Variants in ARHGEF1 observed in about 807,000 individuals in gnomAD.
ARHGEF1 encodes Rho guanine nucleotide exchange factor 1.
A neutral mutation model predicts 119.7 loss-of-function variants in ARHGEF1; 40 were observed. The observed-to-expected ratio is 0.33, with a 90% CI of 0.26 to 0.44. The LOEUF (loss-of-function observed/expected upper bound fraction) is 0.44, where lower values mean the gene tolerates loss of function less well. Ranked by LOEUF, ARHGEF1 falls within the 20% of genes least tolerant of loss-of-function variation. The pLI is 1.00. For synonymous variants in ARHGEF1, 494 were observed against 521.0 expected (o/e 0.95, Z 0.71); for missense variants, 976 against 1,268.3 (o/e 0.77, Z 3.50).
In ARHGEF1 at chr19:41,888,756, CAG is replaced by C. The variant is rs1555845706; in HGVS notation, c.118_119del (p.Glu40ArgfsTer31). 6.2e-7 allele frequency: 1 copy of C among 1,614,204 alleles called. No individual in the cohort carries two copies. Among genetic ancestry groups the C allele is most frequent in the East Asian group, 2.2e-5 (1 of 44,886 alleles). ...CACCCCTTCCTGCACCCCCAGAACTCAGAAGAGCAAAACAGCCAGTTCCAGAG... is the reference window on the plus strand; with the variant it reads ...CACCCCTTCCTGCACCCCCAGAACTCAAGAGCAAAACAGCCAGTTCCAGAG... On this transcript the variant is annotated frameshift_variant, in exon 4 of 29. Coordinates refer to ENST00000354532, the MANE Select transcript of ARHGEF1 (RefSeq NM_004706.4). LOFTEE classifies it high-confidence loss of function. The surrounding 1 kb of genome is among the most constrained non-coding windows in gnomAD (Gnocchi z 5.1).
chr19:41,893,155 C>G, intron 7 of ARHGEF1, 119 bp from the exon 8 acceptor site: 1 of 1,374,600 alleles, frequency 7.3e-7, no homozygotes, highest in Non-Finnish European at 1.0e-6. Context: ...TCCACAGTGT[C>G]CCCTCTCTGT....
chr19:41,925,814 G>A (rs1203820226), intron 1 of ARHGEF1, among the ~76,000 whole-genome samples: 2 of 152,166 alleles, frequency 1.3e-5, no homozygotes, highest in African/African-American at 4.8e-5. Context: ...TGTGTGGCCA[G>A]CTCTTCTGGA....
chr19:41,925,246 G>A (rs1443448664), intron 1 of ARHGEF1, among the ~76,000 whole-genome samples: 2 of 152,176 alleles, frequency 1.3e-5, no homozygotes, highest in African/African-American at 4.8e-5. Context: ...AAACAGGTGA[G>A]GAATGGCAGG....
chr19:41,897,030 T>A, intron 13 of ARHGEF1: 1 of 424,862 alleles, frequency 2.4e-6, no homozygotes. Flanking sequence ...CCCTCCGATC[T>A]CCCTGCCACT....
chr19:41,915,801 G>A (rs1188039899), intron 18 of ARHGEF1, among the ~76,000 whole-genome samples: 5 of 152,110 alleles, frequency 3.3e-5, no homozygotes, highest in Admixed American at 6.5e-5. Flanking sequence ...ATCGCTGATC[G>A]ACTGATGGAG....
In ARHGEF1 at chr19:41,914,608, CCCTCCCCTTCCACCATCTCTGTCTCT is replaced by C. The variant is rs1568831745; in HGVS notation, c.1865+7806_1865+7831del. Among the ~76,000 whole-genome samples, 61 of 55,560 alleles carry C rather than the reference CCCTCCCCTTCCACCATCTCTGTCTCT, an allele frequency of 1.1e-3. 5 individuals are homozygous for C. The highest frequency in any genetic ancestry group is 1.4e-3 in the Non-Finnish European group (42 of 29,522). The allele number at this position is 55,560 out of a possible 152,430, so 36.4% of individuals were successfully genotyped here. A position where few individuals can be genotyped will look rare whatever the true frequency, so the allele number is the denominator to read the frequency against. On this transcript the variant is annotated intron_variant, in intron 18 of 20. Coordinates refer to the ARHGEF1 transcript ENST00000599589. ...CTCCCTTTCCACCATCTCTGTCTCT[CCCTCCCCTTCCACCATCTCTGTCTCT>C]GTCTCTCCCTCCCTTTCCACCATCT... is the stretch of plus-strand genomic sequence containing the variant.
At chr19:41,927,101 CAG>C (rs2074876243) in intron 1 of ARHGEF1, among the ~76,000 whole-genome samples, 2 of 152,124 alleles carry the variant, frequency 1.3e-5, no homozygotes, top group South Asian at 4.2e-4. Flanking sequence ...CTGTGAGAGA[CAG>C]AGATAGAGAG....
At chr19:41,911,436 G>A (rs2074750621), downstream of ARHGEF1, among the ~76,000 whole-genome samples, 1 of 152,206 alleles carries the variant, frequency 6.6e-6, no homozygotes, top group African/African-American at 2.4e-5. Context: ...CAGCATCGCC[G>A]TGTCCACTTG....
intron 1 of ARHGEF1, among the ~76,000 whole-genome samples, chr19:41,925,146 G>A (rs1044801928): frequency 6.6e-6 from 1 of 152,104 alleles, no homozygotes; most frequent in Non-Finnish European, 1.5e-5. Context: ...AGATTAAGTG[G>A]GGGTATGCAT....
chr19:41,902,158 G>T lies in ARHGEF1; in HGVS notation c.1415-116G>T. 2 of 1,554,064 alleles carry T rather than the reference G, an allele frequency of 1.3e-6. No individual in the cohort carries two copies. The highest frequency in any genetic ancestry group is 1.8e-6 in the Non-Finnish European group (2 of 1,137,720). ...TGGGGTGGGGGCAGATACGCCATCC[G>T]GTCCCGAGGATCAGACACAGACACA... On this transcript the variant is annotated intron_variant, in intron 15 of 28. Coordinates refer to ENST00000354532, the MANE Select transcript of ARHGEF1 (RefSeq NM_004706.4). The surrounding 1 kb of genome is among the most constrained non-coding windows in gnomAD (Gnocchi z 6.5).
chr19:41,895,614 C>A lies in ARHGEF1; in HGVS notation c.1015+128C>A, dbSNP rs2074471933. ...ACCTCCCCTTTGCTCTCAGCATCCA[C>A]TTCTCCCTGCTCCTGGTCACCACTG... On this transcript the variant is annotated intron_variant, in intron 12 of 28. Transcript: ENST00000354532. 4.0e-6 allele frequency: 4 copies of A among 1,003,066 alleles called. No homozygotes were observed. In the South Asian group the frequency reaches 7.0e-5, roughly 17 times the overall value. The allele number at this position is 1,003,066 out of a possible 1,614,324, so 62.1% of individuals were successfully genotyped here.
At position 41,892,199 on chromosome 19, in the gene ARHGEF1, C is replaced by T; in HGVS notation, c.324+76C>T. The T allele has an allele frequency of 6.4e-7, 1 of 1,565,406 alleles. No homozygotes were observed. The highest frequency in any genetic ancestry group is 1.1e-5 in the South Asian group (1 of 88,838). On this transcript the variant is annotated intron_variant, in intron 5 of 28. Transcript: ENST00000354532. The surrounding 1 kb of genome is among the most constrained non-coding windows in gnomAD (Gnocchi z 6.3). ...AGAGTCACCATGCGGTCCCCAGCCT[C>T]TGCCCTGAGGGCAGCTGCTGACCCA... is the stretch of plus-strand genomic sequence containing the variant.
rs959542494 is a variant in ARHGEF1, at chr19:41,917,132, C to A, written c.1866-5960C>A. Among the ~76,000 whole-genome samples the A allele has an allele frequency of 6.6e-6, 1 of 152,184 alleles. No homozygotes were observed. The highest frequency in any genetic ancestry group is 1.5e-5 in the Non-Finnish European group (1 of 68,028). ...CCCCTTCGGGTGTCGGCGCATCTTT[C>A]TGTCTGTCTCTGTCACTGAGGGTCT... On this transcript the variant is annotated intron_variant, in intron 18 of 20. Coordinates refer to the ARHGEF1 transcript ENST00000599589. This position sits in a 1 kb window ranked among gnomAD's most constrained non-coding sequence, Gnocchi z 4.8.
At chr19:41,909,919 C>G, downstream of ARHGEF1, 1 of 1,613,782 alleles carries the variant, frequency 6.2e-7, no homozygotes, top group Non-Finnish European at 8.5e-7. This position sits in a 1 kb window ranked among gnomAD's most constrained non-coding sequence, Gnocchi z 5.2. Flanking sequence ...TGCGAATACC[C>G]CACAGCCGGG....
At chr19:41,920,063 GATGTGACACA>G (rs2074830258), upstream of ARHGEF1, among the ~76,000 whole-genome samples, 1 of 120,788 alleles carries the variant, frequency 8.3e-6, no homozygotes, top group African/African-American at 3.3e-5. Context: ...GACACACCCA[GATGTGACACA>G]CTCACAGACA....
Position 41,916,907 on chromosome 19 carries a change from A to AT in ARHGEF1, c.1866-6185_1866-6184insT, listed in dbSNP as rs1555852003. ...ACACACTGGGTAGGGGTGGGCACTCAGAGATGACCCCAACCCAAGGCCCCT... is the reference window on the plus strand; with the variant it reads ...ACACACTGGGTAGGGGTGGGCACTCATGAGATGACCCCAACCCAAGGCCCCT... On this transcript the variant is annotated intron_variant, in intron 18 of 20. Coordinates refer to the ARHGEF1 transcript ENST00000599589. The surrounding 1 kb of genome is among the most constrained non-coding windows in gnomAD (Gnocchi z 5.4). Among the ~76,000 whole-genome samples the AT allele has an allele frequency of 1.3e-5, 2 of 152,120 alleles. No homozygotes were observed. Among genetic ancestry groups the AT allele is most frequent in the Non-Finnish European group, 2.9e-5 (2 of 68,018 alleles).
intron 7 of ARHGEF1, 67 bp from the exon 8 acceptor site, chr19:41,893,207 G>A: frequency 6.3e-7 from 1 of 1,599,388 alleles, no homozygotes. Flanking sequence ...ACCCTGAGAT[G>A]TATCCTGGGT....
chr19:41,884,494 G>A, intron 1 of ARHGEF1: 1 of 1,607,424 alleles, frequency 6.2e-7, no homozygotes, highest in Non-Finnish European at 8.5e-7. Context: ...CCTGGAGCAG[G>A]TGAGGGACGC....
upstream of ARHGEF1, among the ~76,000 whole-genome samples, chr19:41,918,835 C>T (rs1490748073): frequency 1.3e-5 from 2 of 149,308 alleles, no homozygotes; most frequent in African/African-American, 4.9e-5. Flanking sequence ...ATACGCCACA[C>T]ATGCTACACT....
Sources: allele counts gnomAD v4.1 joint callset (sites outside exome capture counted in the v4.1 genomes callset), GRCh38; gene constraint gnomAD v4.1.1; non-coding constraint Gnocchi (gnomAD v3.1); transcripts MANE v1.5; gene names NCBI Gene and HGNC (gene_info 2026-07-23, HGNC 2026-07-21).